The following PRKN variants were observed in gnomAD, a reference collection of about 807,000 sequenced individuals.
PRKN encodes the protein E3 ubiquitin-protein ligase parkin.
Under a neutral mutation model 59.5 loss-of-function variants are expected in PRKN, and 56 were observed. The ratio of observed to expected loss-of-function variants is 0.94; its 90% CI spans 0.76 to 1.18. PRKN has a LOEUF of 1.18. PRKN is among the 50% of genes most tolerant of loss of function. The probability of loss-of-function intolerance (pLI) is 0.00; values close to 1 mark genes in which losing one functional copy is unlikely to be tolerated. For synonymous variants in PRKN, 250 were observed against 222.1 expected (o/e 1.13, Z -1.12); for missense variants, 657 against 596.4 (o/e 1.10, Z -1.06).
intron 7 of PRKN, among the ~76,000 whole-genome samples, chr6:161,639,112 G>A (rs906853864): frequency 6.6e-5 from 10 of 152,158 alleles, no homozygotes; most frequent in African/African-American, 2.4e-4. Context: ...GGACATGTTT[G>A]CTTTCCCTTC....
At chr6:162,540,923 T>C (rs1430443781) in intron 1 of PRKN, among the ~76,000 whole-genome samples, 3 of 152,320 alleles carry the variant, frequency 2.0e-5, no homozygotes, top group East Asian at 1.9e-4. Flanking sequence ...TCTAAAGTCA[T>C]TGATGTCTAC....
rs375810560 is a variant in PRKN at position 162,579,722 on chromosome 6, TCACA to T, written c.8-136253_8-136250del. Among the ~76,000 whole-genome samples, 8 of 151,900 alleles carry T rather than the reference TCACA, an allele frequency of 5.3e-5. No homozygotes were observed. In the East Asian group the frequency reaches 7.8e-4, roughly 15 times the overall value. On this transcript the variant is annotated intron_variant, in intron 1 of 11. Coordinates refer to ENST00000366898, the MANE Select transcript of PRKN (RefSeq NM_004562.3). ...ACACACAAATTTCACACACACAAAA[TCACA>T]CAGATTGAAACACACACATTCACAC... is the stretch of plus-strand genomic sequence containing the variant.
chr6:161,834,599 GC>G (rs1448318031), intron 6 of PRKN, among the ~76,000 whole-genome samples: 3 of 152,366 alleles, frequency 2.0e-5, no homozygotes, highest in East Asian at 1.9e-4. Context: ...TTAGGAACAA[GC>G]CGGCTGGAAG....
At chr6:161,415,340 T>C (rs1166347353) in intron 9 of PRKN, among the ~76,000 whole-genome samples, 6 of 152,070 alleles carry the variant, frequency 3.9e-5, no homozygotes, top group Non-Finnish European at 5.9e-5. Flanking sequence ...TAGTAGGTGA[T>C]TTAGCTTAGA....
chr6:162,148,972 C>T (rs1782144102), intron 4 of PRKN, among the ~76,000 whole-genome samples: 1 of 152,104 alleles, frequency 6.6e-6, no homozygotes, highest in Non-Finnish European at 1.5e-5. Flanking sequence ...GGTGGGGGTA[C>T]TTACGGGACA....
rs1554275447 is a variant in PRKN, at chr6:161,552,789, T to TGC, written c.934-3787_934-3786insGC. Among the ~76,000 whole-genome samples the TGC allele has an allele frequency of 2.3e-5, 2 of 87,822 alleles. No homozygotes were observed. The highest frequency in any genetic ancestry group is 7.5e-5 in the African/African-American group (2 of 26,666). 57.6% of individuals were successfully genotyped at this position (87,822 alleles called of 152,430 possible). A position where few individuals can be genotyped will look rare whatever the true frequency, so the allele number is the denominator to read the frequency against. On this transcript the variant is annotated intron_variant, in intron 8 of 11. Transcript: ENST00000366898. The surrounding 1 kb of genome is among the most constrained non-coding windows in gnomAD (Gnocchi z 4.9). ...AAAGACACCATGGTTTTGTTGTTGT[T>TGC]TTTGTTTTTTGTTTTTTTTTTTTAG...
At chr6:162,556,477 A>G (rs1009246050) in intron 1 of PRKN, among the ~76,000 whole-genome samples, 14 of 150,432 alleles carry the variant, frequency 9.3e-5, no homozygotes, top group African/African-American at 2.7e-4. Context: ...TGCCGGGCGC[A>G]GTGGTTCACA....
At chr6:161,886,863 T>C (rs778169479) in intron 6 of PRKN, among the ~76,000 whole-genome samples, 16 of 152,208 alleles carry the variant, frequency 1.1e-4, no homozygotes, top group Admixed American at 6.5e-4. Context: ...AAAAGCTATA[T>C]ACTTTAGGGA....
At chr6:162,656,358 T>C (rs1291795147) in intron 1 of PRKN, among the ~76,000 whole-genome samples, 1 of 152,206 alleles carries the variant, frequency 6.6e-6, no homozygotes, top group Non-Finnish European at 1.5e-5. Flanking sequence ...ACCAACTGAA[T>C]GGAGCTGGCA....
intron 6 of PRKN, among the ~76,000 whole-genome samples, chr6:161,875,137 AAT>A (rs1011533355): frequency 7.4e-6 from 1 of 134,430 alleles, no homozygotes; most frequent in East Asian, 2.0e-4. Context: ...TATTATATAT[AAT>A]ATATATAAAA....
At chr6:162,041,041 C>T (rs1023670979) in intron 5 of PRKN, among the ~76,000 whole-genome samples, 1 of 151,718 alleles carries the variant, frequency 6.6e-6, no homozygotes, top group Admixed American at 6.6e-5. Flanking sequence ...AAAAATTAAC[C>T]CAGCATGATG....
At position 161,349,983 on chromosome 6, in the gene PRKN, A is replaced by T. The variant is rs1784452924; in HGVS notation, c.*116T>A. 6 of 742,400 alleles carry T rather than the reference A, an allele frequency of 8.1e-6. No individual in the cohort carries two copies. The highest frequency in any genetic ancestry group is 1.7e-5 in the African/African-American group (1 of 57,548). The allele number at this position is 742,400 out of a possible 1,614,324, so 46.0% of individuals were successfully genotyped here. A position where few individuals can be genotyped will look rare whatever the true frequency, so the allele number is the denominator to read the frequency against. ...GTTGGACTTTGAAAAAAACTTGAAG[A>T]GTGTGTGTGCGCGCGCGCGCGTGTG... is the stretch of plus-strand genomic sequence containing the variant. On this transcript the variant is annotated 3_prime_UTR_variant, in exon 12 of 12. Transcript: ENST00000366898. This position sits in a 1 kb window ranked among gnomAD's most constrained non-coding sequence, Gnocchi z 5.5.
intron 6 of PRKN, among the ~76,000 whole-genome samples, chr6:161,897,902 G>C (rs1190314057): frequency 7.4e-6 from 1 of 135,158 alleles, no homozygotes; most frequent in Non-Finnish European, 1.5e-5. Flanking sequence ...GGGAGGCGGA[G>C]CTTGCAGTGA....
At chr6:162,372,677 G>A (rs1203522701) in intron 2 of PRKN, among the ~76,000 whole-genome samples, 1 of 151,770 alleles carries the variant, frequency 6.6e-6, no homozygotes, top group Non-Finnish European at 1.5e-5. Context: ...TACCCATCCA[G>A]CAAACCTACA....
Position 161,785,862 on chromosome 6 carries a change from A to G in PRKN, c.781T>C (p.Leu261=). Residue 261 remains leucine, a synonymous_variant, in exon 7 of 12, where the codon TTA becomes CTA. Coordinates refer to ENST00000366898, the MANE Select transcript of PRKN (RefSeq NM_004562.3). ...ACACAGTATAAGTGGAAACAGTCTA[A>G]GCAAATCACGTGGCGGGAGTTGCAC... ...FQCNSRHVIC[L]DCFHLYCVTR... is the part of the protein sequence containing the mutation. The G allele has an allele frequency of 6.2e-7, 1 of 1,614,166 alleles. No homozygotes were observed. The highest frequency in any genetic ancestry group is 8.5e-7 in the Non-Finnish European group (1 of 1,179,984).
intron 1 of PRKN, among the ~76,000 whole-genome samples, chr6:162,585,819 A>T (rs1583856992): frequency 1.3e-5 from 2 of 152,088 alleles, no homozygotes; most frequent in South Asian, 4.2e-4. Flanking sequence ...CTCCTGCCTC[A>T]GCCTCCTGAA....
At chr6:161,814,922 A>G (rs1241486249) in intron 6 of PRKN, among the ~76,000 whole-genome samples, 1 of 152,172 alleles carries the variant, frequency 6.6e-6, no homozygotes, top group Admixed American at 6.5e-5. Context: ...CCCATGACAC[A>G]TGGGAATTAT....
rs1176796738 is a variant in PRKN, at chr6:161,777,977, A to T, written c.871+7795T>A. ...TAAAAATTATTATTATGGTCTTATA[A>T]CATCTGTATTCAAATTCTATTACAT... On this transcript the variant is annotated intron_variant, in intron 7 of 11. Transcript: ENST00000366898. 2.6e-5 allele frequency among the ~76,000 whole-genome samples: 4 copies of T among 151,034 alleles called. 1 individual carries two copies. In the South Asian group the frequency reaches 8.3e-4, roughly 31 times the overall value.
At chr6:161,553,662 C>T (rs1483527751) in intron 8 of PRKN, among the ~76,000 whole-genome samples, 1 of 151,942 alleles carries the variant, frequency 6.6e-6, no homozygotes, top group African/African-American at 2.4e-5. Context: ...TTTGGTTATC[C>T]AGTGGTATTG....
Sources: allele counts gnomAD v4.1 joint callset (sites outside exome capture counted in the v4.1 genomes callset), GRCh38; gene constraint gnomAD v4.1.1; non-coding constraint Gnocchi (gnomAD v3.1); transcripts MANE v1.5; gene names NCBI Gene and HGNC (gene_info 2026-07-23, HGNC 2026-07-21).